COL18A1: variants seen among roughly 807,000 people sequenced by gnomAD.
COL18A1 encodes collagen type XVIII alpha 1 chain, also known as collagen alpha-1(XVIII) chain.
COL18A1 carries 133 observed loss-of-function variants against 168.0 expected under a neutral mutation model. The observed-to-expected ratio is 0.79, with a 90% CI of 0.69 to 0.91. COL18A1 has a LOEUF of 0.91. COL18A1 is among the 40% of genes least tolerant of loss of function. The pLI, the probability that COL18A1 is intolerant of heterozygous loss-of-function variation, is 0.00. For synonymous variants in COL18A1, 949 were observed against 809.0 expected, an observed-to-expected ratio of 1.17 and a Z score of -2.94; for missense variants, 2,126 against 1,925.4, an observed-to-expected ratio of 1.10 and a Z score of -1.95.
intron 2 of COL18A1, among the ~76,000 whole-genome samples, chr21:45,438,833 A>G (rs929853830): frequency 1.3e-5 from 2 of 152,334 alleles, no homozygotes; most frequent in East Asian, 3.9e-4. Flanking sequence ...GAAGGAAGAA[A>G]GTGAAGTTAG....
At chr21:45,478,748 T>A (rs2145928440) in intron 9 of COL18A1, among the ~76,000 whole-genome samples, 1 of 151,994 alleles carries the variant, frequency 6.6e-6, no homozygotes, top group African/African-American at 2.4e-5. Context: ...AACACGCAGT[T>A]CAGTCTTTAA....
chr21:45,504,481 T>C lies in COL18A1; in HGVS notation c.2793T>C (p.Gly931=), dbSNP rs2037061190. The part of the protein sequence containing the change: ...KGERGEPGGG[G]FFGSSLPGPP... ...AAAGGGGGGAGCCCGGGGGCGGCGG[T>C]TTCTTCGGCTCCAGCCTGCCCGGCC... Residue 931 remains glycine, a synonymous_variant, in exon 34 of 42, where the codon GGT becomes GGC. Transcript: ENST00000651438. 5 of 1,602,604 alleles carry C rather than the reference T, an allele frequency of 3.1e-6. No individual in the cohort carries two copies. The highest frequency in any genetic ancestry group is 4.3e-6 in the Non-Finnish European group (5 of 1,176,426).
At chr21:45,438,340 TCA>T (rs797010559) in intron 2 of COL18A1, among the ~76,000 whole-genome samples, 1 of 14,972 alleles carries the variant, frequency 6.7e-5, no homozygotes, top group Admixed American at 7.8e-4. Context: ...ACACACACAC[TCA>T]CACACTCAGA....
rs1340064550 is a variant in COL18A1, at chr21:45,480,583, C to A, written c.1452+63C>A. ...GTGCCCATGAGGAACAGGCCATGGA[C>A]CCCCAAGATTCAGCTGGGGTCCTGT... On this transcript the variant is annotated intron_variant, in intron 12 of 41. Coordinates refer to ENST00000651438, the MANE Select transcript of COL18A1 (RefSeq NM_001379500.1). The A allele has an allele frequency of 6.8e-6, 11 of 1,613,680 alleles. No individual in the cohort carries two copies. The East Asian group carries it at 2.0e-4, about 29-fold the overall frequency.
chr21:45,496,347 G>A (rs1372421611), intron 29 of COL18A1, 153 bp from the exon 30 acceptor site: 1 of 727,306 alleles, frequency 1.4e-6, no homozygotes. Context: ...AGGGAGCCGT[G>A]GCCCGAGTGA....
In COL18A1 at chr21:45,505,373, G is replaced by T. The variant is rs1239540046; in HGVS notation, c.3029G>T (p.Gly1010Val). 1 of 1,594,500 alleles carries T rather than the reference G, an allele frequency of 6.3e-7. No individual in the cohort carries two copies. The highest frequency in any genetic ancestry group is 1.3e-5 in the African/African-American group (1 of 74,662). Residue 1010 changes from glycine to valine, a missense_variant, in exon 36 of 42, where the codon GGC becomes GTC. By Grantham distance (109) the Gly-to-Val change is moderately radical. Transcript: ENST00000651438. ...GPHRQTISVP[G>V]PPGPPGPPGP... ...TCTCCTGCAGCTATCAGCGTTCCCG[G>T]CCCTCCGGGCCCCCCTGGGCCCCCT...
At position 45,493,532 on chromosome 21, in the gene COL18A1, G is replaced by T. The variant is rs776080847; in HGVS notation, c.2309G>T (p.Ser770Ile). 23 of 1,561,666 alleles carry T rather than the reference G, an allele frequency of 1.5e-5. 1 individual carries two copies. In the South Asian group the frequency reaches 2.7e-4, roughly 18 times the overall value. The stretch of plus-strand genomic sequence containing the variant: ...AAGGGTGAACCGGGCAGCATCTTCA[G>T]CCCCGACGGCGGTGCCCTGGGCCCT... Reference protein sequence around the residue: ...GEKGEPGSIFSPDGGALGPAQ... With the variant: ...GEKGEPGSIFIPDGGALGPAQ... The change falls in exon 26 of 42, where the codon AGC becomes ATC. Residue 770 changes from serine to isoleucine, a missense_variant. Physicochemically the swap from Ser to Ile is moderately radical, Grantham distance 142 (BLOSUM62 -2). Transcript: ENST00000651438.
rs1473354024 is a variant in COL18A1 at position 45,457,402 on chromosome 21, C to T, written c.107-10840C>T. 6.6e-6 allele frequency among the ~76,000 whole-genome samples: 1 copy of T among 152,176 alleles called. No homozygotes were observed. The highest frequency in any genetic ancestry group is 2.4e-5 in the African/African-American group (1 of 41,444). ...CCAGCGTGGGGACCAGGGAGGTCTG[C>T]AGGGCCCGTCCTGAGAGGGAGCCTT... On this transcript the variant is annotated intron_variant, in intron 2 of 41. Transcript: ENST00000651438. This position sits in a 1 kb window ranked among gnomAD's most constrained non-coding sequence, Gnocchi z 4.6.
Position 45,468,378 on chromosome 21 carries a change from G to T in COL18A1, c.243G>T (p.Arg81=). ...GPDANSGQVA[R]YHFPSLFFRD... ...ATGCCAACAGTGGCCAAGTGGCCCG[G>T]TACCACTTCCCCAGCCTCTTCTTCC... The change falls in exon 3 of 42, where the codon CGG becomes CGT. Residue 81 remains arginine, a synonymous_variant. Transcript: ENST00000651438. The T allele has an allele frequency of 6.2e-7, 1 of 1,613,866 alleles. No individual in the cohort carries two copies. Among genetic ancestry groups the T allele is most frequent in the Non-Finnish European group, 8.5e-7 (1 of 1,180,044 alleles).
chr21:45,441,619 C>G (rs2034372243), intron 2 of COL18A1, among the ~76,000 whole-genome samples: 1 of 152,234 alleles, frequency 6.6e-6, no homozygotes, highest in African/African-American at 2.4e-5. Flanking sequence ...GATCTGCCAT[C>G]TCTGCTTCAC....
At chr21:45,462,821 T>G (rs1411357009) in intron 2 of COL18A1, among the ~76,000 whole-genome samples, 1 of 152,222 alleles carries the variant, frequency 6.6e-6, no homozygotes, top group Non-Finnish European at 1.5e-5. Context: ...GCCTTGTGAT[T>G]TTGTGTTAAA....
chr21:45,510,107 G>A lies in COL18A1; in HGVS notation c.3539G>A (p.Arg1180Gln), dbSNP rs200484625. The change falls in exon 40 of 42, where the codon CGG becomes CAG. Residue 1180 changes from arginine to glutamine, a missense_variant. By Grantham distance (43) the Arg-to-Gln change is conservative. Coordinates refer to ENST00000651438, the MANE Select transcript of COL18A1 (RefSeq NM_001379500.1). ...ALNSPLSGGMRGIRGADFQCF... is the reference protein window; with the variant it reads ...ALNSPLSGGMQGIRGADFQCF... ...AACAGCCCCCTGTCAGGCGGCATGC[G>A]GGGCATCCGCGGGGCCGACTTCCAG... 2.2e-3 allele frequency: 3,560 copies of A among 1,593,918 alleles called. 7 individuals carry two copies. Among genetic ancestry groups the A allele is most frequent in the Non-Finnish European group, 2.7e-3 (3,117 of 1,172,370 alleles).
Position 45,497,030 on chromosome 21 carries a change from C to T in COL18A1, c.2578-20C>T, listed in dbSNP as rs1055718278. Reference sequence around the variant, plus strand: ...TTCAGAACATCGCCCTCAGCAGCCGCCTCTCCCCGTTCCTTGCAGGTGTTT... The same window carrying T: ...TTCAGAACATCGCCCTCAGCAGCCGTCTCTCCCCGTTCCTTGCAGGTGTTT... On this transcript the variant is annotated intron_variant, in intron 30 of 41. Coordinates refer to ENST00000651438, the MANE Select transcript of COL18A1 (RefSeq NM_001379500.1). 1.9e-6 allele frequency: 3 copies of T among 1,593,440 alleles called. No homozygotes were observed. The highest frequency in any genetic ancestry group is 2.6e-6 in the Non-Finnish European group (3 of 1,164,926).
intron 2 of COL18A1, among the ~76,000 whole-genome samples, chr21:45,453,409 G>T (rs955349435): frequency 1.3e-5 from 2 of 152,192 alleles, no homozygotes; most frequent in African/African-American, 4.8e-5. Context: ...GTGGGTGTTC[G>T]TGTGTGAGCA....
In COL18A1 at chr21:45,501,107, G is replaced by GGTGTGT. The variant is rs34746806; in HGVS notation, c.2684-2890_2684-2885dup. Reference sequence around the variant, plus strand: ...GGTGTGGAGTGTGGGGGTGTGGTTTGGTGTGTGTGTGTGTGTGTGCAAAGT... The same window carrying GGTGTGT: ...GGTGTGGAGTGTGGGGGTGTGGTTTGGTGTGTGTGTGTGTGTGTGTGTGTGCAAAGT... On this transcript the variant is annotated intron_variant, in intron 32 of 41. Transcript: ENST00000651438. 3.6e-4 allele frequency among the ~76,000 whole-genome samples: 22 copies of GGTGTGT among 60,334 alleles called. 4 individuals are homozygous for GGTGTGT. Among genetic ancestry groups the GGTGTGT allele is most frequent in the Admixed American group, 3.8e-4 (2 of 5,272 alleles). 39.6% of individuals were successfully genotyped at this position (60,334 alleles called of 152,430 possible). A position where few individuals can be genotyped will look rare whatever the true frequency, so the allele number is the denominator to read the frequency against.
intron 2 of COL18A1, among the ~76,000 whole-genome samples, chr21:45,445,455 G>A (rs145612085): frequency 2.6e-5 from 4 of 152,150 alleles, no homozygotes; most frequent in African/African-American, 4.8e-5. Flanking sequence ...GTGTGTCTTC[G>A]TTTCTCTCGG....
intron 3 of COL18A1, among the ~76,000 whole-genome samples, chr21:45,469,686 C>A (rs770517501): frequency 2.0e-4 from 31 of 152,214 alleles, no homozygotes; most frequent in Non-Finnish European, 4.1e-4. Flanking sequence ...CTCACAAGTC[C>A]CTGAATTCTA....
chr21:45,464,840 C>G (rs1351494293), intron 2 of COL18A1, among the ~76,000 whole-genome samples: 2 of 152,218 alleles, frequency 1.3e-5, no homozygotes, highest in Non-Finnish European at 1.5e-5. Flanking sequence ...AGGTCCACAG[C>G]CTGAGTCCCA....
intron 2 of COL18A1, among the ~76,000 whole-genome samples, chr21:45,442,553 G>A (rs368100737): frequency 9.2e-5 from 14 of 152,398 alleles, no homozygotes; most frequent in Admixed American, 5.9e-4. Context: ...CCCTTCGGAT[G>A]AGCACGCCCA....
Sources: gnomAD v4.1 joint callset for allele counts (sites outside exome capture counted in the v4.1 genomes callset) on GRCh38, gnomAD v4.1.1 for gene constraint, Gnocchi (gnomAD v3.1) non-coding constraint, MANE v1.5 for transcripts, NCBI Gene and HGNC (gene_info 2026-07-23, HGNC 2026-07-21) for gene names.